Variants in SLC2A14 observed in about 807,000 individuals in gnomAD.
SLC2A14 encodes the protein solute carrier family 2 member 14.
Under a neutral mutation model 43.0 loss-of-function variants are expected in SLC2A14, and 13 were observed. That is an observed-to-expected ratio of 0.30 (90% CI 0.20 to 0.48). The LOEUF is 0.48. Ranked by LOEUF, SLC2A14 falls within the 20% of genes least tolerant of loss-of-function variation. The pLI is 0.99. For synonymous variants in SLC2A14, 190 were observed against 233.8 expected, an observed-to-expected ratio of 0.81 and a Z score of 1.71; for missense variants, 428 against 620.4, an observed-to-expected ratio of 0.69 and a Z score of 3.29.
intron 1 of SLC2A14, among the ~76,000 whole-genome samples, chr12:7,883,263 CTTTTT>C (rs372464881): frequency 4.6e-5 from 5 of 108,420 alleles, no homozygotes; most frequent in African/African-American, 1.4e-4. Flanking sequence ...TTCTTTCTTT[CTTTTT>C]TTTTTTTTTT....
At chr12:7,878,605 A>G (rs1246041264) in intron 1 of SLC2A14, among the ~76,000 whole-genome samples, 1 of 152,008 alleles carries the variant, frequency 6.6e-6, no homozygotes, top group Non-Finnish European at 1.5e-5. Flanking sequence ...GTGGGTGTAT[A>G]TTTGTACTCT....
intron 2 of SLC2A14, among the ~76,000 whole-genome samples, chr12:7,836,357 A>T (rs1865459835): frequency 6.6e-6 from 1 of 151,888 alleles, no homozygotes; most frequent in South Asian, 2.1e-4. Flanking sequence ...AGTAGCTGGG[A>T]CTACAAGCGT....
intron 10 of SLC2A14, among the ~76,000 whole-genome samples, 192 bp downstream of exon 10, chr12:7,817,639 T>G (rs924777811): frequency 2.6e-5 from 4 of 151,822 alleles, no homozygotes; most frequent in Non-Finnish European, 4.4e-5. Context: ...CGGTGGCGGG[T>G]GCCTGTAGTC....
At position 7,871,121 on chromosome 12, in the gene SLC2A14, T is replaced by C. The variant is rs1030469300; in HGVS notation, c.-57-1184A>G. 1.5e-5 allele frequency: 20 copies of C among 1,331,488 alleles called. No individual in the cohort carries two copies. In the Admixed American group the frequency reaches 3.8e-4, roughly 25 times the overall value. 82.5% of individuals were successfully genotyped at this position (1,331,488 alleles called of 1,614,324 possible). ...ATCAACTTCACCACTTCCCTCACCA[T>C]GTTTGGGGAGAAGCTGAATGGAACA... is the stretch of plus-strand genomic sequence containing the variant. On this transcript the variant is annotated intron_variant, in intron 1 of 10. Transcript: ENST00000431042.
upstream of SLC2A14, among the ~76,000 whole-genome samples, chr12:7,874,640 C>A (rs1945380611): frequency 6.7e-6 from 1 of 148,630 alleles, no homozygotes; most frequent in Admixed American, 6.9e-5. Context: ...CCACTGCACT[C>A]CAGCCTGGGC....
Position 7,828,722 on chromosome 12 carries a change from C to CT in SLC2A14, c.657dup (p.Glu220ArgfsTer27). On this transcript the variant is annotated frameshift_variant, in exon 6 of 11. Coordinates refer to ENST00000431042, the MANE Select transcript of SLC2A14 (RefSeq NM_001286234.2). LOFTEE classifies it high-confidence loss of function. ...TACTCACTCCGCGTAGCATTCTCCTCTTTTTTTCTGTTAATGAGCAAAAAT... is the reference window on the plus strand; with the variant it reads ...TACTCACTCCGCGTAGCATTCTCCTCTTTTTTTTCTGTTAATGAGCAAAAAT... 2 of 1,614,098 alleles carry CT rather than the reference C, an allele frequency of 1.2e-6. No homozygotes were observed. The highest frequency in any genetic ancestry group is 1.7e-6 in the Non-Finnish European group (2 of 1,179,978).
In SLC2A14 at chr12:7,819,232, AC is replaced by A. The variant is rs1250523128; in HGVS notation, c.1071+249del. Among the ~76,000 whole-genome samples, 36 of 152,256 alleles carry A rather than the reference AC, an allele frequency of 2.4e-4. 1 individual carries two copies. The Middle Eastern group carries it at 0.01, about 43-fold the overall frequency. ...AACTCCGTCTCAAACAAACAAACAAACAAACAAAAGAATTAAATTAGATAAC... is the reference window on the plus strand; with the variant it reads ...AACTCCGTCTCAAACAAACAAACAAAAAACAAAAGAATTAAATTAGATAAC... On this transcript the variant is annotated intron_variant, in intron 9 of 10. Coordinates refer to ENST00000431042, the MANE Select transcript of SLC2A14 (RefSeq NM_001286234.2).
intron 2 of SLC2A14, among the ~76,000 whole-genome samples, chr12:7,851,167 A>G (rs1303181174): frequency 6.6e-6 from 1 of 152,076 alleles, no homozygotes; most frequent in African/African-American, 2.4e-5. Flanking sequence ...ACTACGCTAC[A>G]GACTGTGCTG....
At chr12:7,823,532 A>G (rs1385677997) in intron 7 of SLC2A14, among the ~76,000 whole-genome samples, 2 of 152,078 alleles carry the variant, frequency 1.3e-5, no homozygotes, top group Non-Finnish European at 2.9e-5. Context: ...GACCACCCTG[A>G]CAACATGGAG....
chr12:7,882,465 T>C (rs1474299798), intron 1 of SLC2A14, among the ~76,000 whole-genome samples: 1 of 151,860 alleles, frequency 6.6e-6, no homozygotes, highest in African/African-American at 2.4e-5. Context: ...ATCCCCCAAT[T>C]CCTGACACAG....
At chr12:7,821,174 G>A in intron 8 of SLC2A14, 47 bp downstream of exon 8, 2 of 1,404,704 alleles carry the variant, frequency 1.4e-6, no homozygotes, top group South Asian at 1.2e-5. Flanking sequence ...AACATCTGTA[G>A]CAAGGATTCA....
intron 2 of SLC2A14, among the ~76,000 whole-genome samples, chr12:7,840,689 G>A (rs1409224304): frequency 2.0e-5 from 3 of 152,164 alleles, no homozygotes; most frequent in Non-Finnish European, 4.4e-5. Context: ...CCTTGCCTGT[G>A]TTGTTTTGTT....
At chr12:7,844,139 G>C (rs1866252584) in intron 2 of SLC2A14, among the ~76,000 whole-genome samples, 1 of 152,124 alleles carries the variant, frequency 6.6e-6, no homozygotes, top group Non-Finnish European at 1.5e-5. Flanking sequence ...AAGTTTCCTA[G>C]TGCTGGTTCC....
In SLC2A14 at chr12:7,813,114, G is replaced by GA. The variant is rs1275928093; in HGVS notation, c.*1201dup. ...ACACACTTTAGATAATAATCGCTCAGAAAAAAATCCTCTCCCAGAGCTGAG... is the reference window on the plus strand; with the variant it reads ...ACACACTTTAGATAATAATCGCTCAGAAAAAAAATCCTCTCCCAGAGCTGAG... On this transcript the variant is annotated 3_prime_UTR_variant, in exon 11 of 11. Transcript: ENST00000431042. 6.6e-6 allele frequency: 1 copy of GA among 151,184 alleles called. No homozygotes were observed. The highest frequency in any genetic ancestry group is 1.5e-5 in the Non-Finnish European group (1 of 67,844). The allele number at this position is 151,184 out of a possible 1,614,324, so 9.4% of individuals were successfully genotyped here. A position where few individuals can be genotyped will look rare whatever the true frequency, so the allele number is the denominator to read the frequency against.
intron 2 of SLC2A14, among the ~76,000 whole-genome samples, chr12:7,864,052 G>A (rs1055365786): frequency 3.3e-5 from 5 of 151,662 alleles, no homozygotes; most frequent in East Asian, 3.9e-4. Context: ...TCCTAACCTC[G>A]TGATCTGCAC....
intron 2 of SLC2A14, among the ~76,000 whole-genome samples, chr12:7,837,599 T>C (rs1237284942): frequency 8.9e-6 from 1 of 112,698 alleles, no homozygotes; most frequent in East Asian, 3.1e-4. Flanking sequence ...GCTTGCACCA[T>C]TGCACTCCAA....
intron 2 of SLC2A14, among the ~76,000 whole-genome samples, chr12:7,842,908 A>C (rs1866097661): frequency 6.6e-6 from 1 of 151,928 alleles, no homozygotes; most frequent in South Asian, 2.1e-4. Flanking sequence ...TTATATTTTT[A>C]GTAGAGATAG....
chr12:7,859,114 C>T (rs940035419), intron 2 of SLC2A14, among the ~76,000 whole-genome samples: 3 of 152,090 alleles, frequency 2.0e-5, no homozygotes, highest in Non-Finnish European at 4.4e-5. Context: ...ACAGGCTGGG[C>T]GTGATGGCTG....
intron 7 of SLC2A14, among the ~76,000 whole-genome samples, chr12:7,821,649 A>C (rs1217289570): frequency 1.3e-5 from 2 of 152,096 alleles, no homozygotes; most frequent in Non-Finnish European, 2.9e-5. Context: ...CCAGGAGGTA[A>C]GAAGTCCTTT....
Sources: gnomAD v4.1 joint callset for allele counts (sites outside exome capture counted in the v4.1 genomes callset) on GRCh38, gnomAD v4.1.1 for gene constraint, MANE v1.5 for transcripts, NCBI Gene and HGNC (gene_info 2026-07-23, HGNC 2026-07-21) for gene names.